Variants in DCUN1D4 observed in about 807,000 individuals in gnomAD.
DCUN1D4 encodes the protein defective in cullin neddylation 1 domain containing 4.
Under a neutral mutation model 47.9 loss-of-function variants are expected in DCUN1D4, and 22 were observed. That is an observed-to-expected ratio of 0.46 (90% CI 0.33 to 0.66). DCUN1D4 has a LOEUF of 0.66. Among genes scored for constraint, DCUN1D4 ranks in the 30% least tolerant of loss-of-function variants. The pLI is 0.02. For synonymous variants in DCUN1D4, 121 were observed against 112.2 expected (o/e 1.08, Z -0.50); for missense variants, 301 against 340.8 (o/e 0.88, Z 0.92).
In DCUN1D4 at chr4:51,843,198, G is replaced by T. The variant is rs545740227; in HGVS notation, c.-45G>T. The T allele has an allele frequency of 1.3e-6, 2 of 1,538,018 alleles. No individual in the cohort carries two copies. Among genetic ancestry groups the T allele is most frequent in the African/African-American group, 1.4e-5 (1 of 71,976 alleles). On this transcript the variant is annotated 5_prime_UTR_variant, in exon 1 of 11. Coordinates refer to ENST00000334635, the MANE Select transcript of DCUN1D4 (RefSeq NM_001040402.3). ...TGAGCTGGTGGGGGGACCGCGAGGC[G>T]AGCGCGGGAGCCTGGGCGGCGAGCC... is the stretch of plus-strand genomic sequence containing the variant.
At chr4:51,854,317 GTTAT>G (rs966281256) in intron 1 of DCUN1D4, among the ~76,000 whole-genome samples, 9 of 152,096 alleles carry the variant, frequency 5.9e-5, no homozygotes, top group African/African-American at 2.2e-4. Flanking sequence ...TATATTTCAG[GTTAT>G]TTGAGATGTA....
chr4:51,836,274 G>T, the DCUN1D4 span, among the ~76,000 whole-genome samples: 6 of 152,108 alleles, frequency 3.9e-5, no homozygotes. Flanking sequence ...TTAGTAAAAG[G>T]GGTCTGTGAC....
chr4:51,905,132 G>C, intron 8 of DCUN1D4: 1 of 447,150 alleles, frequency 2.2e-6, no homozygotes, highest in South Asian at 1.6e-5. Flanking sequence ...ATAGTACTTG[G>C]CTATAAAGTT....
chr4:51,858,029 A>G (rs1306669134), intron 1 of DCUN1D4, among the ~76,000 whole-genome samples: 3 of 152,202 alleles, frequency 2.0e-5, no homozygotes, highest in Non-Finnish European at 4.4e-5. Flanking sequence ...GTCAGATGGT[A>G]TTAATGCTGT....
At chr4:51,852,576 C>T (rs949211772) in intron 1 of DCUN1D4, among the ~76,000 whole-genome samples, 1 of 152,202 alleles carries the variant, frequency 6.6e-6, no homozygotes, top group South Asian at 2.1e-4. Context: ...TAAACACCAT[C>T]ACCTTGTGAT....
At chr4:51,842,629 C>G (rs574192303), upstream of DCUN1D4, among the ~76,000 whole-genome samples, 3 of 152,224 alleles carry the variant, frequency 2.0e-5, no homozygotes, top group African/African-American at 7.2e-5. Flanking sequence ...GGACAAGTGT[C>G]GTGGGACAAG....
At chr4:51,880,296 G>A (rs1231864583) in intron 5 of DCUN1D4, among the ~76,000 whole-genome samples, 1 of 152,188 alleles carries the variant, frequency 6.6e-6, no homozygotes, top group Non-Finnish European at 1.5e-5. Flanking sequence ...CTAGATACCA[G>A]CACGAAGAGG....
chr4:51,916,736 T>TA lies in DCUN1D4; in HGVS notation c.*3153dup, dbSNP rs2110159446. On this transcript the variant is annotated 3_prime_UTR_variant, in exon 11 of 11. Coordinates refer to ENST00000334635, the MANE Select transcript of DCUN1D4 (RefSeq NM_001040402.3). ...ACTCCCAGCTTAACTGAAATACTGTTATGCCACCTAACTTGAGTACAGCAA... is the reference window on the plus strand; with the variant it reads ...ACTCCCAGCTTAACTGAAATACTGTTAATGCCACCTAACTTGAGTACAGCAA... The TA allele has an allele frequency of 6.5e-6, 1 of 152,700 alleles. No individual in the cohort carries two copies. Among genetic ancestry groups the TA allele is most frequent in the South Asian group, 2.1e-4 (1 of 4,830 alleles). 9.5% of individuals were successfully genotyped at this position (152,700 alleles called of 1,614,324 possible). A position where few individuals can be genotyped will look rare whatever the true frequency, so the allele number is the denominator to read the frequency against.
Position 51,913,511 on chromosome 4 carries a change from T to TTC in DCUN1D4, c.824-12_824-11dup. On this transcript the variant is annotated splice_polypyrimidine_tract_variant and intron_variant, in intron 10 of 10. Coordinates refer to ENST00000334635, the MANE Select transcript of DCUN1D4 (RefSeq NM_001040402.3). ...TTATTATTATTATTATTACTACTGT[T>TTC]TCTCTCTTTCTCTCCAGGGCCAGTT... 2 of 1,608,348 alleles carry TTC rather than the reference T, an allele frequency of 1.2e-6. No homozygotes were observed. The highest frequency in any genetic ancestry group is 8.5e-7 in the Non-Finnish European group (1 of 1,175,840).
chr4:51,866,920 C>T (rs1353481041), intron 3 of DCUN1D4, among the ~76,000 whole-genome samples: 1 of 152,202 alleles, frequency 6.6e-6, no homozygotes, highest in Non-Finnish European at 1.5e-5. Flanking sequence ...GTCTGCTGGG[C>T]TCCTTCCACC....
At chr4:51,886,911 A>T (rs1184389774) in intron 6 of DCUN1D4, 2 of 440,204 alleles carry the variant, frequency 4.5e-6, no homozygotes, top group African/African-American at 4.0e-5. Context: ...GTGTGGCCAC[A>T]TGTGCCTACA....
chr4:51,903,365 T>C (rs1201933648), intron 8 of DCUN1D4, among the ~76,000 whole-genome samples: 1 of 152,150 alleles, frequency 6.6e-6, no homozygotes, highest in East Asian at 1.9e-4. Flanking sequence ...TAATTATAAA[T>C]CTGGTGTCAT....
chr4:51,902,824 C>G (rs2110109227), intron 8 of DCUN1D4, among the ~76,000 whole-genome samples: 1 of 152,088 alleles, frequency 6.6e-6, no homozygotes, highest in Non-Finnish European at 1.5e-5. Context: ...TTCATGCCTT[C>G]TTTTTGGATA....
chr4:51,904,486 A>G (rs1287498869), intron 8 of DCUN1D4, among the ~76,000 whole-genome samples: 1 of 152,164 alleles, frequency 6.6e-6, no homozygotes, highest in Non-Finnish European at 1.5e-5. Flanking sequence ...CATAAATTAT[A>G]GTTATCTTTG....
At chr4:51,850,298 A>C (rs2109817420) in intron 1 of DCUN1D4, among the ~76,000 whole-genome samples, 1 of 152,340 alleles carries the variant, frequency 6.6e-6, no homozygotes, top group South Asian at 2.1e-4. Flanking sequence ...GTCTTGAGTT[A>C]GATGACTTGT....
chr4:51,864,081 T>C (rs1488737208), intron 3 of DCUN1D4, among the ~76,000 whole-genome samples: 1 of 152,232 alleles, frequency 6.6e-6, no homozygotes, highest in Non-Finnish European at 1.5e-5. Context: ...TGTGTGTGTA[T>C]GTGTTCATAG....
chr4:51,842,185 T>C (rs1465472750), upstream of DCUN1D4, among the ~76,000 whole-genome samples: 1 of 152,206 alleles, frequency 6.6e-6, no homozygotes, highest in Non-Finnish European at 1.5e-5. Flanking sequence ...TTTCAATTTC[T>C]GGACGGCCTC....
At chr4:51,848,208 T>A in intron 1 of DCUN1D4, 1 of 1,289,014 alleles carries the variant, frequency 7.8e-7, no homozygotes, top group Non-Finnish European at 1.0e-6. Flanking sequence ...CATGCAGATA[T>A]CAGTTTTAGA....
chr4:51,877,238 C>T (rs1727852310), intron 4 of DCUN1D4, among the ~76,000 whole-genome samples: 1 of 152,184 alleles, frequency 6.6e-6, no homozygotes, highest in African/African-American at 2.4e-5. Context: ...TCTTTGTCAG[C>T]CTTACATCAA....
Sources: gnomAD v4.1 joint callset for allele counts (sites outside exome capture counted in the v4.1 genomes callset) on GRCh38, gnomAD v4.1.1 for gene constraint, MANE v1.5 for transcripts, NCBI Gene and HGNC (gene_info 2026-07-23, HGNC 2026-07-21) for gene names.